The following EIF2AK2 variants were observed in gnomAD, a reference collection of about 807,000 sequenced individuals.
EIF2AK2 encodes eukaryotic translation initiation factor 2 alpha kinase 2.
Under a neutral mutation model 70.5 loss-of-function variants are expected in EIF2AK2, and 40 were observed. The ratio of observed to expected loss-of-function variants is 0.57; its 90% CI spans 0.44 to 0.74. The LOEUF (loss-of-function observed/expected upper bound fraction) is 0.74. Ranked by LOEUF, EIF2AK2 falls within the 30% of genes least tolerant of loss-of-function variation. The pLI, the probability that EIF2AK2 is intolerant of heterozygous loss-of-function variation, is 0.00. For synonymous variants in EIF2AK2, 198 were observed against 220.9 expected (o/e 0.90, Z 0.92); for missense variants, 555 against 644.3 (o/e 0.86, Z 1.50).
chr2:37,136,903 C>T, intron 9 of EIF2AK2, 80 bp downstream of exon 9: 3 of 1,353,428 alleles, frequency 2.2e-6, no homozygotes, highest in Non-Finnish European at 1.0e-6. Context: ...GTGTACAATA[C>T]TCTACAAGTA....
chr2:37,155,964 A>AG (rs1675908216), intron 1 of EIF2AK2, among the ~76,000 whole-genome samples: 2 of 151,644 alleles, frequency 1.3e-5, no homozygotes, highest in Non-Finnish European at 2.9e-5. Flanking sequence ...AGAAAAGAAA[A>AG]GAAAGAAAAT....
rs572941985 is a variant in EIF2AK2, at chr2:37,110,894, G to A, written c.1378-1599C>T. Among the ~76,000 whole-genome samples, 64 of 152,300 alleles carry A rather than the reference G, an allele frequency of 4.2e-4. No individual in the cohort carries two copies. The South Asian group carries it at 0.012, about 30-fold the overall frequency. On this transcript the variant is annotated intron_variant, in intron 14 of 16. Coordinates refer to ENST00000233057, the MANE Select transcript of EIF2AK2 (RefSeq NM_001135651.3). Reference sequence around the variant, plus strand: ...GCATTATTCACCACAGTCAAAAGGTGGAAGCAACCTAAGTGTCCATTGATG... The same window carrying A: ...GCATTATTCACCACAGTCAAAAGGTAGAAGCAACCTAAGTGTCCATTGATG...
At chr2:37,143,511 GA>G (rs919673971) in intron 4 of EIF2AK2, among the ~76,000 whole-genome samples, 1 of 151,726 alleles carries the variant, frequency 6.6e-6, no homozygotes, top group African/African-American at 2.4e-5. Flanking sequence ...AAAATATTTG[GA>G]AAAAAAATGA....
At chr2:37,110,085 T>G (rs1674094548) in intron 14 of EIF2AK2, among the ~76,000 whole-genome samples, 1 of 152,098 alleles carries the variant, frequency 6.6e-6, no homozygotes, top group Non-Finnish European at 1.5e-5. Context: ...TTGCCTTTTT[T>G]TTTTTTGAGA....
intron 4 of EIF2AK2, among the ~76,000 whole-genome samples, chr2:37,142,259 C>T (rs1465833465): frequency 1.3e-5 from 2 of 151,976 alleles, no homozygotes; most frequent in Non-Finnish European, 2.9e-5. Context: ...GCCTCACAAG[C>T]ACCTGGAACT....
At chr2:37,109,513 A>G (rs1674074360) in intron 14 of EIF2AK2, 1 of 480,566 alleles carries the variant, frequency 2.1e-6, no homozygotes, top group Non-Finnish European at 3.7e-6. Context: ...GAATAATCTC[A>G]GTTATAAAAC....
intron 10 of EIF2AK2, among the ~76,000 whole-genome samples, chr2:37,131,517 C>T (rs530692060): frequency 1.1e-4 from 17 of 152,280 alleles, no homozygotes; most frequent in Admixed American, 5.2e-4. Flanking sequence ...CTCATCCTCT[C>T]ACATGCAAGC....
chr2:37,099,416 A>C lies in EIF2AK2; in HGVS notation c.*7857T>G, dbSNP rs1206828616. On this transcript the variant is annotated 3_prime_UTR_variant, in exon 17 of 17. Transcript: ENST00000233057. The stretch of plus-strand genomic sequence containing the variant: ...CAGCTTGTCCCCACTCTTACAGTGT[A>C]ATGAAATTAGCAGTATAATGAAGAA... 6.6e-6 allele frequency: 1 copy of C among 152,220 alleles called. No homozygotes were observed. The highest frequency in any genetic ancestry group is 1.5e-5 in the Non-Finnish European group (1 of 68,036). 9.4% of individuals were successfully genotyped at this position (152,220 alleles called of 1,614,324 possible). A position where few individuals can be genotyped will look rare whatever the true frequency, so the allele number is the denominator to read the frequency against.
At chr2:37,137,103 A>T (rs1675155098) in intron 8 of EIF2AK2, 86 bp from the exon 9 acceptor site, 3 of 1,190,794 alleles carry the variant, frequency 2.5e-6, no homozygotes, top group Non-Finnish European at 3.5e-6. Context: ...GTATATCTAG[A>T]TGGCTCTCTG....
At chr2:37,138,940 T>C (rs976534567) in intron 6 of EIF2AK2, among the ~76,000 whole-genome samples, 1 of 151,276 alleles carries the variant, frequency 6.6e-6, no homozygotes, top group Non-Finnish European at 1.5e-5. Context: ...GGACTACAGG[T>C]ACATGCCACC....
intron 10 of EIF2AK2, among the ~76,000 whole-genome samples, chr2:37,133,807 A>G (rs1160384046): frequency 6.6e-6 from 1 of 152,190 alleles, no homozygotes; most frequent in East Asian, 1.9e-4. Flanking sequence ...TGAAACTCTC[A>G]TTATACATCC....
intron 12 of EIF2AK2, among the ~76,000 whole-genome samples, chr2:37,121,458 C>T (rs1027445127): frequency 4.6e-5 from 7 of 151,826 alleles, no homozygotes; most frequent in African/African-American, 1.7e-4. Flanking sequence ...GCATGAAAGG[C>T]ACCTAGAGAT....
chr2:37,126,528 T>G, intron 10 of EIF2AK2, 117 bp from the exon 11 acceptor site: 1 of 1,400,438 alleles, frequency 7.1e-7, no homozygotes, highest in Non-Finnish European at 9.5e-7. Flanking sequence ...CAAATTTGAT[T>G]CTCTCCTTCT....
At chr2:37,113,820 A>G (rs1232061414) in intron 14 of EIF2AK2, among the ~76,000 whole-genome samples, 1 of 152,230 alleles carries the variant, frequency 6.6e-6, no homozygotes, top group Non-Finnish European at 1.5e-5. Context: ...ATCACTGGAG[A>G]GTATGATGAT....
intron 10 of EIF2AK2, among the ~76,000 whole-genome samples, chr2:37,130,206 A>G (rs1674891788): frequency 6.6e-6 from 1 of 152,090 alleles, no homozygotes; most frequent in Non-Finnish European, 1.5e-5. Context: ...GATTCAAGTA[A>G]TTCTCCTGCC....
chr2:37,109,113 G>T, intron 15 of EIF2AK2, 81 bp downstream of exon 15: 1 of 1,262,556 alleles, frequency 7.9e-7, no homozygotes, highest in Non-Finnish European at 1.1e-6. Context: ...TCACGTGAGG[G>T]CAAGAACTGT....
At chr2:37,144,100 G>A (rs1165664018) in intron 4 of EIF2AK2, among the ~76,000 whole-genome samples, 1 of 152,092 alleles carries the variant, frequency 6.6e-6, no homozygotes, top group Non-Finnish European at 1.5e-5. Flanking sequence ...CCACTGTAAT[G>A]GCTAAATTTC....
intron 10 of EIF2AK2, among the ~76,000 whole-genome samples, chr2:37,134,788 C>A (rs1411581831): frequency 6.6e-6 from 1 of 150,696 alleles, no homozygotes; most frequent in Non-Finnish European, 1.5e-5. Flanking sequence ...CAACACATAT[C>A]TTTGTCTCCC....
Position 37,102,636 on chromosome 2 carries a change from C to T in EIF2AK2, c.*4637G>A, listed in dbSNP as rs1399103347. On this transcript the variant is annotated 3_prime_UTR_variant, in exon 17 of 17. Coordinates refer to ENST00000233057, the MANE Select transcript of EIF2AK2 (RefSeq NM_001135651.3). ...ACATATTCATACACATATGTGCACA[C>T]ACACAGGATGGCTTCATGGACATGC... is the stretch of plus-strand genomic sequence containing the variant. The T allele has an allele frequency of 6.6e-6, 1 of 152,132 alleles. No individual in the cohort carries two copies. The highest frequency in any genetic ancestry group is 1.5e-5 in the Non-Finnish European group (1 of 68,024). The allele number at this position is 152,132 out of a possible 1,614,324, so 9.4% of individuals were successfully genotyped here.
Sources: allele counts gnomAD v4.1 joint callset (sites outside exome capture counted in the v4.1 genomes callset), GRCh38; gene constraint gnomAD v4.1.1; transcripts MANE v1.5; gene names NCBI Gene and HGNC (gene_info 2026-07-23, HGNC 2026-07-21).